IFT88: variants seen among roughly 807,000 people sequenced by gnomAD.
IFT88 encodes intraflagellar transport protein 88 homolog.
A neutral mutation model predicts 119.5 loss-of-function variants in IFT88; 74 were observed. The ratio of observed to expected loss-of-function variants is 0.62; its 90% CI spans 0.51 to 0.75. The LOEUF is 0.75. Ranked by LOEUF, IFT88 falls within the 30% of genes least tolerant of loss-of-function variation. The pLI, the probability that IFT88 is intolerant of heterozygous loss-of-function variation, is 0.00. For missense variants in IFT88, 961 were observed against 977.7 expected (o/e 0.98, Z 0.23); for synonymous variants, 279 against 316.7 (o/e 0.88, Z 1.26).
intron 24 of IFT88, among the ~76,000 whole-genome samples, chr13:20,686,944 TC>T (rs1437169697): frequency 7.5e-6 from 1 of 133,412 alleles, no homozygotes; most frequent in African/African-American, 2.9e-5. Context: ...CCTCAAATTC[TC>T]CTCCTGCCTC....
rs1163191610 is a variant in IFT88, at chr13:20,691,204, G to T, written c.*29G>T. The T allele has an allele frequency of 2.5e-6, 4 of 1,587,930 alleles. No homozygotes were observed. Among genetic ancestry groups the T allele is most frequent in the Admixed American group, 1.7e-5 (1 of 58,436 alleles). ...TCACTTTAATATTTATTAAAGGAAA[G>T]AAATTGCCTTATGAGATCATCCTCA... On this transcript the variant is annotated 3_prime_UTR_variant, in exon 26 of 26. Transcript: ENST00000351808.
chr13:20,658,847 A>G (rs2053313943), intron 22 of IFT88, among the ~76,000 whole-genome samples: 1 of 152,152 alleles, frequency 6.6e-6, no homozygotes, highest in Non-Finnish European at 1.5e-5. Flanking sequence ...TCTGCACCGG[A>G]CCGGAAAAGC....
intron 23 of IFT88, among the ~76,000 whole-genome samples, chr13:20,668,935 A>G (rs554180645): frequency 6.6e-6 from 1 of 152,330 alleles, no homozygotes; most frequent in South Asian, 2.1e-4. Context: ...GATGGCCTGC[A>G]TGGGGCACAC....
chr13:20,622,019 C>A (rs2046605034), intron 14 of IFT88, among the ~76,000 whole-genome samples: 2 of 152,268 alleles, frequency 1.3e-5, no homozygotes, highest in Middle Eastern at 3.4e-3. Context: ...TGGCTTCTTT[C>A]ATTTAGTGGT....
intron 14 of IFT88, among the ~76,000 whole-genome samples, chr13:20,617,889 G>A (rs1235806838): frequency 6.6e-6 from 1 of 152,062 alleles, no homozygotes; most frequent in East Asian, 1.9e-4. Flanking sequence ...CACTTCCTGG[G>A]TTCAAGTGAT....
chr13:20,572,335 C>T (rs1483029872), intron 1 of IFT88, among the ~76,000 whole-genome samples: 5 of 152,110 alleles, frequency 3.3e-5, no homozygotes, highest in Non-Finnish European at 7.3e-5. Flanking sequence ...TCTCGTGCCT[C>T]AGCCTCCCAA....
chr13:20,571,184 CG>C (rs1210544459), intron 1 of IFT88, among the ~76,000 whole-genome samples: 1 of 151,786 alleles, frequency 6.6e-6, no homozygotes, highest in African/African-American at 2.4e-5. Flanking sequence ...TTAGTAGAGA[CG>C]GGGTTTCACC....
intron 13 of IFT88, among the ~76,000 whole-genome samples, chr13:20,609,770 AAC>A (rs2044158316): frequency 1.1e-5 from 1 of 92,350 alleles, no homozygotes; most frequent in African/African-American, 6.0e-5. Flanking sequence ...ACAGAAAAAA[AAC>A]AAAAAACAAA....
chr13:20,627,730 CAAAAAAAAAAAA>C (rs58325378), intron 15 of IFT88, among the ~76,000 whole-genome samples: 1 of 80,278 alleles, frequency 1.2e-5, no homozygotes, highest in African/African-American at 4.5e-5. Flanking sequence ...GACTTCATCT[CAAAAAAAAAAAA>C]AAAAAAAAAA....
chr13:20,658,599 G>A (rs1033513506), intron 22 of IFT88, among the ~76,000 whole-genome samples: 16 of 152,208 alleles, frequency 1.1e-4, no homozygotes, highest in Non-Finnish European at 2.1e-4. Context: ...AGTCTGCTAG[G>A]CAAGAGTTTC....
At chr13:20,618,058 A>C (rs1387319522) in intron 14 of IFT88, among the ~76,000 whole-genome samples, 1 of 152,090 alleles carries the variant, frequency 6.6e-6, no homozygotes, top group Non-Finnish European at 1.5e-5. Flanking sequence ...TTGGGATTAC[A>C]GGCGAAAGCC....
chr13:20,668,936 T>TG (rs2055270864), intron 23 of IFT88, among the ~76,000 whole-genome samples: 1 of 152,150 alleles, frequency 6.6e-6, no homozygotes, highest in African/African-American at 2.4e-5. Context: ...ATGGCCTGCA[T>TG]GGGGCACACG....
chr13:20,684,646 C>G (rs2057690410), intron 24 of IFT88, among the ~76,000 whole-genome samples: 1 of 152,232 alleles, frequency 6.6e-6, no homozygotes, highest in African/African-American at 2.4e-5. Flanking sequence ...GGCAGTATTT[C>G]TCTACCACAC....
intron 13 of IFT88, among the ~76,000 whole-genome samples, chr13:20,611,514 C>CAAA (rs56062553): frequency 3.4e-5 from 2 of 59,072 alleles, no homozygotes; most frequent in African/African-American, 7.0e-5. Context: ...GACCCAGTCT[C>CAAA]AAAAAAAAAA....
intron 2 of IFT88, among the ~76,000 whole-genome samples, chr13:20,582,706 C>T (rs2038941696): frequency 1.3e-5 from 2 of 152,128 alleles, no homozygotes; most frequent in Non-Finnish European, 2.9e-5. Context: ...TGATACCACT[C>T]ATTAAAACTG....
intron 16 of IFT88, 149 bp downstream of exon 16, chr13:20,631,251 G>T: frequency 1.7e-6 from 1 of 586,200 alleles, no homozygotes; most frequent in Non-Finnish European, 3.1e-6. Flanking sequence ...ATCCTGACAA[G>T]TGCCAGGCCA....
At chr13:20,667,010 A>G (rs1285997136) in intron 23 of IFT88, among the ~76,000 whole-genome samples, 2 of 152,222 alleles carry the variant, frequency 1.3e-5, no homozygotes, top group Non-Finnish European at 2.9e-5. Context: ...ACTTCGCAGA[A>G]TAACATGGAC....
intron 24 of IFT88, among the ~76,000 whole-genome samples, chr13:20,676,606 T>C (rs1311062380): frequency 6.6e-6 from 1 of 152,234 alleles, no homozygotes; most frequent in Admixed American, 6.5e-5. Flanking sequence ...AGTGTACCCC[T>C]GTCTCACTGT....
rs1407975381 is a variant in IFT88 at position 20,641,346 on chromosome 13, C to T, written c.1630C>T (p.Leu544Phe). ...TGAGGCTTTGGACTGTTTCCTGAAA[C>T]TTCACGCAATCCTACGAAACAGTGC... ...LDEALDCFLK[L>F]HAILRNSAEV... The change falls in exon 18 of 26, where the codon CTT (leucine) becomes TTT (phenylalanine). Residue 544 changes from leucine (L) to phenylalanine (F), a missense_variant. Transcript: ENST00000351808. 11 of 1,612,632 alleles carry T rather than the reference C, an allele frequency of 6.8e-6. No homozygotes were observed. The Admixed American group carries it at 1.3e-4, about 20-fold the overall frequency.
Sources: gnomAD v4.1 joint callset for allele counts (sites outside exome capture counted in the v4.1 genomes callset) on GRCh38, gnomAD v4.1.1 for gene constraint, MANE v1.5 for transcripts, NCBI Gene and HGNC (gene_info 2026-07-23, HGNC 2026-07-21) for gene names.